The following PRKG1 variants were observed in gnomAD, a reference collection of about 807,000 sequenced individuals.
The protein encoded by PRKG1 is protein kinase cGMP-dependent 1, also known as cGMP-dependent protein kinase 1.
In PRKG1, 35 loss-of-function variants were observed where a neutral mutation model predicts 88.1. That is an observed-to-expected ratio of 0.40 (90% confidence interval 0.30 to 0.53). The LOEUF is 0.53. Among genes scored for constraint, PRKG1 ranks in the 20% least tolerant of loss-of-function variants. The pLI is 0.59. For synonymous variants in PRKG1, 303 were observed against 292.5 expected (o/e 1.04, Z -0.37); for missense variants, 540 against 839.8 (o/e 0.64, Z 4.41).
At chr10:51,901,354 C>A (rs955267076) in intron 4 of PRKG1, among the ~76,000 whole-genome samples, 1 of 152,212 alleles carries the variant, frequency 6.6e-6, no homozygotes, top group Non-Finnish European at 1.5e-5. Context: ...TAGCTTCATT[C>A]ATTTGTAAAG....
At chr10:51,918,404 C>T (rs1336386489) in intron 5 of PRKG1, among the ~76,000 whole-genome samples, 1 of 150,438 alleles carries the variant, frequency 6.6e-6, no homozygotes, top group Non-Finnish European at 1.5e-5. Context: ...TTTGTTGTGA[C>T]AGGGATCCAT....
At chr10:51,022,068 A>G (rs1255248265) in intron 1 of PRKG1, among the ~76,000 whole-genome samples, 1 of 152,192 alleles carries the variant, frequency 6.6e-6, no homozygotes, top group African/African-American at 2.4e-5. Flanking sequence ...AAAATCAATT[A>G]ATATCTGACC....
At chr10:51,770,062 A>C (rs970374725) in intron 3 of PRKG1, among the ~76,000 whole-genome samples, 2 of 152,180 alleles carry the variant, frequency 1.3e-5, no homozygotes, top group African/African-American at 4.8e-5. Flanking sequence ...AATGCCTCTT[A>C]AAATATCACC....
At chr10:51,498,157 A>G (rs1354881771) in intron 3 of PRKG1, among the ~76,000 whole-genome samples, 2 of 152,208 alleles carry the variant, frequency 1.3e-5, no homozygotes, top group Non-Finnish European at 2.9e-5. Context: ...AATAAAGGCT[A>G]TGTAGATGAT....
chr10:51,822,695 TA>T (rs1839780340), intron 4 of PRKG1, among the ~76,000 whole-genome samples: 1 of 152,160 alleles, frequency 6.6e-6, no homozygotes, highest in Non-Finnish European at 1.5e-5. Flanking sequence ...CCTAGCTCTG[TA>T]AAATTTAGAA....
chr10:51,991,544 T>A (rs1589493405), intron 5 of PRKG1, among the ~76,000 whole-genome samples: 1 of 152,094 alleles, frequency 6.6e-6, no homozygotes, highest in East Asian at 1.9e-4. Flanking sequence ...CCCCAGCCCA[T>A]GACAGGCCCT....
intron 2 of PRKG1, among the ~76,000 whole-genome samples, chr10:51,404,219 A>G (rs548082308): frequency 6.6e-6 from 1 of 152,354 alleles, no homozygotes; most frequent in South Asian, 2.1e-4. Context: ...GTCTAAAGAA[A>G]GTTATCACAT....
intron 2 of PRKG1, among the ~76,000 whole-genome samples, chr10:51,260,418 A>G (rs12253079): frequency 0.11 from 17,186 of 151,886 alleles, 1,338 homozygotes; most frequent in African/African-American, 0.22. Flanking sequence ...TTATTTTTTC[A>G]TGTTGTGCTA....
chr10:51,409,848 G>A (rs1339092446), intron 2 of PRKG1, among the ~76,000 whole-genome samples: 4 of 21,232 alleles, frequency 1.9e-4, no homozygotes, highest in African/African-American at 7.4e-4. Flanking sequence ...GAGAGACTCT[G>A]TCAAAAAAAA....
At chr10:51,230,569 A>T (rs1838817515) in intron 2 of PRKG1, among the ~76,000 whole-genome samples, 1 of 152,230 alleles carries the variant, frequency 6.6e-6, no homozygotes, top group Non-Finnish European at 1.5e-5. Flanking sequence ...GTTGTCCCTT[A>T]GTATCCATGG....
intron 3 of PRKG1, among the ~76,000 whole-genome samples, chr10:51,542,301 C>A (rs1842324075): frequency 6.6e-6 from 1 of 152,136 alleles, no homozygotes; most frequent in South Asian, 2.1e-4. Context: ...ATGCCTGAAA[C>A]GTTCCGTGTC....
Position 52,146,996 on chromosome 10 carries a change from C to T in PRKG1, c.1001+13091C>T, listed in dbSNP as rs531556765. 2.0e-5 allele frequency among the ~76,000 whole-genome samples: 3 copies of T among 151,384 alleles called. No homozygotes were observed. In the South Asian group the frequency reaches 6.2e-4, roughly 31 times the overall value. On this transcript the variant is annotated intron_variant, in intron 8 of 17. Coordinates refer to ENST00000373980, the MANE Select transcript of PRKG1 (RefSeq NM_006258.4). ...CACCGTCCTAAAAGAGTTAGTTTGA[C>T]ATTTGTTCTTTTCTTGCAGTTGAGA...
intron 5 of PRKG1, among the ~76,000 whole-genome samples, chr10:51,946,313 G>A (rs1292395627): frequency 6.6e-6 from 1 of 151,976 alleles, no homozygotes; most frequent in East Asian, 1.9e-4. Context: ...AGCTCCATCA[G>A]CTCCTTTAAG....
chr10:51,627,425 A>C (rs1171383396), intron 3 of PRKG1, among the ~76,000 whole-genome samples: 1 of 152,180 alleles, frequency 6.6e-6, no homozygotes, highest in Non-Finnish European at 1.5e-5. Context: ...TTAGTGGTGA[A>C]AGTAAGAGTT....
At chr10:51,326,838 A>G (rs1179997292) in intron 2 of PRKG1, among the ~76,000 whole-genome samples, 2 of 152,226 alleles carry the variant, frequency 1.3e-5, no homozygotes, top group Non-Finnish European at 2.9e-5. Flanking sequence ...GACTTTTTTC[A>G]TTAGGTTAGA....
chr10:52,186,287 A>T (rs1480082496), intron 9 of PRKG1, among the ~76,000 whole-genome samples: 2 of 152,108 alleles, frequency 1.3e-5, no homozygotes, highest in African/African-American at 4.8e-5. Flanking sequence ...AGAGAGAGAG[A>T]GGTGGAGCAT....
At chr10:51,648,452 T>G (rs1212253072) in intron 3 of PRKG1, among the ~76,000 whole-genome samples, 1 of 152,088 alleles carries the variant, frequency 6.6e-6, no homozygotes, top group Non-Finnish European at 1.5e-5. Flanking sequence ...GCCTAAAGAG[T>G]GCATAGTTCA....
At position 51,153,189 on chromosome 10, in the gene PRKG1, A is replaced by C; in HGVS notation, c.337A>C (p.Ile113Leu). 6.2e-7 allele frequency: 1 copy of C among 1,612,320 alleles called. No individual in the cohort carries two copies. Among genetic ancestry groups the C allele is most frequent in the Non-Finnish European group, 8.5e-7 (1 of 1,178,792 alleles). The stretch of plus-strand genomic sequence containing the variant: ...GTCCAAGGATCTTATAAAGGAAGCT[A>C]TCCTTGACAATGACTTTATGAAGAA... Reference protein sequence around the residue: ...PQSKDLIKEAILDNDFMKNLE... With the variant: ...PQSKDLIKEALLDNDFMKNLE... The change falls in exon 2 of 18, where the codon ATC becomes CTC. Residue 113 changes from isoleucine (I) to leucine (L), a missense_variant. Physicochemically the swap from Ile to Leu is conservative, Grantham distance 5. This residue lies in a region of PRKG1 where 400 missense variants were observed against 562.7 expected (regional missense o/e 0.71). Transcript: ENST00000373980.
intron 14 of PRKG1, among the ~76,000 whole-genome samples, chr10:52,286,929 A>T (rs1403637231): frequency 6.6e-6 from 1 of 152,024 alleles, no homozygotes; most frequent in African/African-American, 2.4e-5. Flanking sequence ...CTATGAAATT[A>T]TGTTCATCAA....
Sources: gnomAD v4.1 joint callset for allele counts (sites outside exome capture counted in the v4.1 genomes callset) on GRCh38, gnomAD v4.1.1 for gene constraint, gnomAD v4.1.1 regional missense constraint, MANE v1.5 for transcripts, NCBI Gene and HGNC (gene_info 2026-07-23, HGNC 2026-07-21) for gene names.